Variants in HERC3 observed in about 807,000 individuals in gnomAD.
HERC3 encodes probable E3 ubiquitin-protein ligase HERC3.
Under a neutral mutation model 129.9 loss-of-function variants are expected in HERC3, and 58 were observed. The observed-to-expected ratio is 0.45, with a 90% CI of 0.36 to 0.56. HERC3 has a LOEUF of 0.56. Ranked by LOEUF, HERC3 falls within the 20% of genes least tolerant of loss-of-function variation. The pLI is 0.00. For synonymous variants in HERC3, 430 were observed against 451.0 expected (o/e 0.95, Z 0.59); for missense variants, 835 against 1,244.2 (o/e 0.67, Z 4.95).
chr4:88,667,370 T>C lies in HERC3; in HGVS notation c.1332-7T>C. 6.7e-7 allele frequency: 1 copy of C among 1,503,192 alleles called. No homozygotes were observed. Among genetic ancestry groups the C allele is most frequent in the Non-Finnish European group, 9.1e-7 (1 of 1,093,470 alleles). The allele number at this position is 1,503,192 out of a possible 1,614,324, so 93.1% of individuals were successfully genotyped here. A position where few individuals can be genotyped will look rare whatever the true frequency, so the allele number is the denominator to read the frequency against. ...TATTATATACCTTTTTGATTTTGTTTGTTTAGAATTGATGAACATTTTAAA... is the reference window on the plus strand; with the variant it reads ...TATTATATACCTTTTTGATTTTGTTCGTTTAGAATTGATGAACATTTTAAA... On this transcript the variant is annotated splice_polypyrimidine_tract_variant and splice_region_variant and intron_variant, in intron 12 of 25. Transcript: ENST00000402738.
chr4:88,665,609 A>T (rs1279781582), intron 12 of HERC3, among the ~76,000 whole-genome samples: 2 of 152,190 alleles, frequency 1.3e-5, no homozygotes, highest in Non-Finnish European at 2.9e-5. Context: ...ACTGACCCAG[A>T]CATACCCAGA....
In HERC3 at chr4:88,669,885, G is replaced by T. The variant is rs375113325; in HGVS notation, c.1659G>T (p.Pro553=). The T allele has an allele frequency of 6.2e-7, 1 of 1,613,282 alleles. No individual in the cohort carries two copies. Among genetic ancestry groups the T allele is most frequent in the East Asian group, 2.2e-5 (1 of 44,866 alleles). Residue 553 remains proline, a synonymous_variant, in exon 15 of 26, where the codon CCG becomes CCT. Coordinates refer to ENST00000402738, the MANE Select transcript of HERC3 (RefSeq NM_014606.3). The part of the protein sequence containing the change: ...VLDNWWSQVC[P]KYFMKLVNLY... ...ATAACTGGTGGTCTCAGGTATGCCC[G>T]AAATATTTCATGAAGCTGGTAAACC...
chr4:88,661,173 G>C (rs1038209852), intron 10 of HERC3, among the ~76,000 whole-genome samples: 1 of 152,110 alleles, frequency 6.6e-6, no homozygotes, highest in Non-Finnish European at 1.5e-5. Flanking sequence ...TAAAATTTAC[G>C]TAACAACAGT....
intron 10 of HERC3, among the ~76,000 whole-genome samples, chr4:88,659,975 G>A (rs1426859319): frequency 6.6e-6 from 1 of 152,052 alleles, no homozygotes; most frequent in African/African-American, 2.4e-5. Flanking sequence ...TTAAACAACT[G>A]GAAAGAGGGA....
intron 3 of HERC3, among the ~76,000 whole-genome samples, chr4:88,611,234 T>C (rs1724280708): frequency 6.6e-6 from 1 of 152,208 alleles, no homozygotes; most frequent in African/African-American, 2.4e-5. Flanking sequence ...CATTTAACTT[T>C]TTCGTTGGTA....
At chr4:88,589,362 C>A (rs1202617176), upstream of HERC3, among the ~76,000 whole-genome samples, 1 of 152,228 alleles carries the variant, frequency 6.6e-6, no homozygotes, top group Non-Finnish European at 1.5e-5. Flanking sequence ...CCTGGGATTA[C>A]AGGGGCATGA....
At chr4:88,677,884 A>G (rs1444434291) in intron 18 of HERC3, 80 bp from the exon 19 acceptor site, 8 of 1,316,786 alleles carry the variant, frequency 6.1e-6, no homozygotes, top group Non-Finnish European at 1.1e-6. Flanking sequence ...CAGCGCCCCC[A>G]AGTCCAGAAG....
intron 3 of HERC3, among the ~76,000 whole-genome samples, chr4:88,649,199 CTG>C (rs1316194262): frequency 6.6e-6 from 1 of 152,086 alleles, no homozygotes; most frequent in Admixed American, 6.6e-5. Flanking sequence ...GTGAGTGGAG[CTG>C]TGTGTGTCCG....
intron 23 of HERC3, among the ~76,000 whole-genome samples, chr4:88,695,081 T>C (rs1734463151): frequency 6.6e-6 from 1 of 152,196 alleles, no homozygotes; most frequent in Admixed American, 6.5e-5. Context: ...CTCTCATTCC[T>C]GGATATAAGA....
chr4:88,630,494 G>C (rs970032860), intron 3 of HERC3, among the ~76,000 whole-genome samples: 1 of 152,090 alleles, frequency 6.6e-6, no homozygotes, highest in African/African-American at 2.4e-5. Flanking sequence ...TGCCTTCCTG[G>C]AGCTTACACT....
the HERC3 span, among the ~76,000 whole-genome samples, chr4:88,555,117 G>T: frequency 6.6e-6 from 1 of 151,738 alleles, no homozygotes; most frequent in African/African-American, 2.4e-5. Flanking sequence ...AACCCTGTCT[G>T]TACTAAAAAT....
chr4:88,685,491 A>G (rs1337423931), intron 21 of HERC3, among the ~76,000 whole-genome samples: 4 of 152,178 alleles, frequency 2.6e-5, no homozygotes, highest in Non-Finnish European at 1.5e-5. Context: ...GCAAGCTAAC[A>G]CAGGAACAGA....
chr4:88,685,142 G>A (rs187985602), intron 21 of HERC3, among the ~76,000 whole-genome samples: 135 of 152,316 alleles, frequency 8.9e-4, no homozygotes, highest in Admixed American at 3.1e-3. Context: ...TTACACTGTT[G>A]GTGGGAGTGT....
intron 2 of HERC3, among the ~76,000 whole-genome samples, chr4:88,599,631 A>T (rs1486871733): frequency 1.3e-5 from 2 of 152,222 alleles, no homozygotes; most frequent in Admixed American, 1.3e-4. Flanking sequence ...TGATAGACCC[A>T]GGACGCCAAA....
chr4:88,588,072 T>C (rs553594443), upstream of HERC3, among the ~76,000 whole-genome samples: 3 of 152,390 alleles, frequency 2.0e-5, no homozygotes, highest in African/African-American at 7.2e-5. Flanking sequence ...CATTAATACA[T>C]TTTAATTTAT....
At chr4:88,601,774 G>GTATATTTGGAAACC (rs765314083) in intron 2 of HERC3, among the ~76,000 whole-genome samples, 34,898 of 144,306 alleles carry the variant, frequency 0.24, 8,553 homozygotes, top group African/African-American at 0.63. Context: ...GGATATTCAG[G>GTATATTTGGAAACC]GGCCGGGCGC....
intron 23 of HERC3, chr4:88,689,877 C>A: frequency 2.0e-6 from 1 of 500,964 alleles, no homozygotes; most frequent in Non-Finnish European, 2.6e-6. Context: ...CGCTCCTGGC[C>A]CATCCTTGAC....
intron 2 of HERC3, 28 bp downstream of exon 2, chr4:88,595,642 A>G (rs1206020113): frequency 6.6e-6 from 1 of 152,110 alleles, no homozygotes; most frequent in Non-Finnish European, 1.5e-5. Flanking sequence ...TCTGGACCTC[A>G]GTTTTTCATC....
the HERC3 span, among the ~76,000 whole-genome samples, chr4:88,559,387 G>C: frequency 3.3e-5 from 5 of 152,042 alleles, no homozygotes; most frequent in African/African-American, 1.2e-4. Flanking sequence ...TCAAAGACAT[G>C]ATACAAAGCA....
Sources: gnomAD v4.1 joint callset for allele counts (sites outside exome capture counted in the v4.1 genomes callset) on GRCh38, gnomAD v4.1.1 for gene constraint, MANE v1.5 for transcripts, NCBI Gene and HGNC (gene_info 2026-07-23, HGNC 2026-07-21) for gene names.